GAS2: variants seen among roughly 807,000 people sequenced by gnomAD.
The protein encoded by GAS2 is growth arrest-specific protein 2.
A neutral mutation model predicts 37.5 loss-of-function variants in GAS2; 20 were observed. The observed-to-expected ratio is 0.53, with a 90% CI of 0.37 to 0.77. The LOEUF is 0.77. GAS2 is among the 30% of genes least tolerant of loss of function. The pLI is 0.00. For missense variants in GAS2, 336 were observed against 373.4 expected, an observed-to-expected ratio of 0.90 and a Z score of 0.82; for synonymous variants, 144 against 132.2, an observed-to-expected ratio of 1.09 and a Z score of -0.61.
intron 4 of GAS2, among the ~76,000 whole-genome samples, chr11:22,728,491 G>GA (rs1565113278): frequency 6.6e-6 from 1 of 151,274 alleles, no homozygotes; most frequent in Non-Finnish European, 1.5e-5. Flanking sequence ...CAGCCTGTTT[G>GA]AAAAAATATA....
At chr11:22,652,993 G>GTCTTTCTTCCTTTCTTTCTT (rs1848805900) in intron 1 of GAS2, among the ~76,000 whole-genome samples, 2 of 97,036 alleles carry the variant, frequency 2.1e-5, no homozygotes, top group Non-Finnish European at 4.0e-5. Flanking sequence ...TTCTTTCTTT[G>GTCTTTCTTCCTTTCTTTCTT]TCTTTCTTTC....
chr11:22,688,356 C>A (rs555614774), intron 3 of GAS2: 2 of 152,000 alleles, frequency 1.3e-5, no homozygotes, highest in Non-Finnish European at 2.9e-5. Flanking sequence ...TTATAGTCTA[C>A]GGCCATACCA....
At chr11:22,800,194 G>A (rs1856601938) in intron 7 of GAS2, among the ~76,000 whole-genome samples, 1 of 152,050 alleles carries the variant, frequency 6.6e-6, no homozygotes, top group East Asian at 1.9e-4. Context: ...AAAGTGCTTT[G>A]CGAGCCAGGT....
At chr11:22,811,550 T>C (rs1857164995) in intron 7 of GAS2, among the ~76,000 whole-genome samples, 1 of 152,124 alleles carries the variant, frequency 6.6e-6, no homozygotes, top group African/African-American at 2.4e-5. Flanking sequence ...CAAAGAATTA[T>C]ACGTAGGTGC....
intron 6 of GAS2, 115 bp from the exon 7 acceptor site, chr11:22,755,731 G>A (rs1265883122): frequency 1.5e-6 from 1 of 651,512 alleles, no homozygotes. Context: ...GATGTCCATA[G>A]ATAAATAACA....
At chr11:22,676,782 T>G (rs943945689) in intron 2 of GAS2, among the ~76,000 whole-genome samples, 1 of 150,006 alleles carries the variant, frequency 6.7e-6, no homozygotes, top group African/African-American at 2.4e-5. Flanking sequence ...TAAAAAAAAG[T>G]GGACTCTGGA....
intron 7 of GAS2, among the ~76,000 whole-genome samples, chr11:22,805,011 A>C (rs1442240439): frequency 6.6e-6 from 1 of 152,080 alleles, no homozygotes; most frequent in African/African-American, 2.4e-5. Flanking sequence ...GGGAGGGAAG[A>C]GTTTAAATAA....
chr11:22,744,543 A>G (rs1853268951), intron 5 of GAS2, among the ~76,000 whole-genome samples: 1 of 152,190 alleles, frequency 6.6e-6, no homozygotes, highest in Non-Finnish European at 1.5e-5. Flanking sequence ...ATTAAAAACA[A>G]AAGCCATATG....
At chr11:22,782,728 A>C (rs1488408265) in intron 7 of GAS2, among the ~76,000 whole-genome samples, 2 of 57,824 alleles carry the variant, frequency 3.5e-5, no homozygotes, top group Non-Finnish European at 7.8e-5. Flanking sequence ...ATGTTGCTGC[A>C]AAAAAAAAAA....
chr11:22,811,764 G>A (rs765108876), intron 7 of GAS2, 34 bp from the exon 8 acceptor site: 29 of 1,594,754 alleles, frequency 1.8e-5, no homozygotes, highest in African/African-American at 8.1e-5. Context: ...AAGAATTCTC[G>A]GAATTTAACA....
chr11:22,792,679 C>T (rs1044587150), intron 7 of GAS2, among the ~76,000 whole-genome samples: 1 of 152,168 alleles, frequency 6.6e-6, no homozygotes, highest in African/African-American at 2.4e-5. Context: ...GTGTCATCCT[C>T]CCTACGGAGA....
chr11:22,770,716 A>G (rs991893170), intron 7 of GAS2, among the ~76,000 whole-genome samples: 1 of 152,254 alleles, frequency 6.6e-6, no homozygotes, highest in East Asian at 1.9e-4. Flanking sequence ...CTCAAAGTAT[A>G]TATGTCTCAA....
At chr11:22,679,649 A>G (rs380563) in intron 2 of GAS2, among the ~76,000 whole-genome samples, 18,554 of 152,158 alleles carry the variant, frequency 0.12, 1,230 homozygotes, top group African/African-American at 0.16. Context: ...TTTTTAATTT[A>G]AAATGATGGC....
rs188540166 is a variant in GAS2 at position 22,747,260 on chromosome 11, G to A, written c.474-1860G>A. 3.4e-3 allele frequency among the ~76,000 whole-genome samples: 516 copies of A among 152,234 alleles called. 4 individuals are homozygous for A. Among genetic ancestry groups the A allele is most frequent in the African/African-American group, 0.012 (500 of 41,556 alleles). Reference sequence around the variant, plus strand: ...TTATTGCCCTGTGCCAAGATCTTATGTAAGATGCTTGTGATTCTTGGAAGG... The same window carrying A: ...TTATTGCCCTGTGCCAAGATCTTATATAAGATGCTTGTGATTCTTGGAAGG... On this transcript the variant is annotated intron_variant, in intron 5 of 7. Coordinates refer to ENST00000454584, the MANE Select transcript of GAS2 (RefSeq NM_001143830.3).
At chr11:22,736,555 T>C (rs1042238751) in intron 4 of GAS2, among the ~76,000 whole-genome samples, 1 of 152,050 alleles carries the variant, frequency 6.6e-6, no homozygotes, top group Non-Finnish European at 1.5e-5. Flanking sequence ...AAAGTGTTTA[T>C]TCTATTTACT....
intron 7 of GAS2, among the ~76,000 whole-genome samples, chr11:22,805,278 C>T (rs553625830): frequency 4.6e-5 from 7 of 151,974 alleles, no homozygotes; most frequent in Admixed American, 2.0e-4. Flanking sequence ...TCATGTATAA[C>T]GTAAAGTTTT....
intron 3 of GAS2, among the ~76,000 whole-genome samples, chr11:22,723,099 G>C (rs1034855045): frequency 1.3e-5 from 2 of 151,698 alleles, no homozygotes; most frequent in African/African-American, 2.4e-5. Context: ...ATTTTATCTG[G>C]ATGAAAATTG....
chr11:22,752,337 G>A (rs1853787904), intron 6 of GAS2, among the ~76,000 whole-genome samples: 1 of 151,832 alleles, frequency 6.6e-6, no homozygotes, highest in Admixed American at 6.6e-5. Context: ...TTTGCATTCT[G>A]TTTGATAGGT....
At chr11:22,704,794 C>T (rs943282024) in intron 3 of GAS2, among the ~76,000 whole-genome samples, 4 of 151,490 alleles carry the variant, frequency 2.6e-5, no homozygotes, top group Admixed American at 6.6e-5. Context: ...AGAGATTAAT[C>T]TTTACTTATC....
Sources: allele counts gnomAD v4.1 joint callset (sites outside exome capture counted in the v4.1 genomes callset), GRCh38; gene constraint gnomAD v4.1.1; transcripts MANE v1.5; gene names NCBI Gene and HGNC (gene_info 2026-07-23, HGNC 2026-07-21).